KCNQ1OT1: variants seen among roughly 807,000 people sequenced by gnomAD.
The protein encoded by KCNQ1OT1 is KCNQ1 opposite strand/antisense transcript 1.
Position 2,657,458 on chromosome 11 carries a change from G to A in KCNQ1OT1, n.42537C>T, listed in dbSNP as rs1234120971. Reference sequence around the variant, plus strand: ...ATAATTAATATTCTTTTGTGCTATTGTATACAGGTTCTGTTTTCTCTTGTT... The same window carrying A: ...ATAATTAATATTCTTTTGTGCTATTATATACAGGTTCTGTTTTCTCTTGTT... On this transcript the variant is annotated non_coding_transcript_exon_variant, in exon 1 of 1. Coordinates refer to ENST00000597346, the Ensembl canonical transcript of KCNQ1OT1. This position sits in a 1 kb window ranked among gnomAD's most constrained non-coding sequence, Gnocchi z 4.8. The A allele has an allele frequency of 2.5e-6, 1 of 398,448 alleles. No homozygotes were observed. The highest frequency in any genetic ancestry group is 2.1e-5 in the African/African-American group (1 of 48,732). 24.7% of individuals were successfully genotyped at this position (398,448 alleles called of 1,614,324 possible). A position where few individuals can be genotyped will look rare whatever the true frequency, so the allele number is the denominator to read the frequency against.
At position 2,677,303 on chromosome 11, in the gene KCNQ1OT1, A is replaced by C; in HGVS notation, n.22692T>G. 2.5e-6 allele frequency: 1 copy of C among 398,630 alleles called. No individual in the cohort carries two copies. The highest frequency in any genetic ancestry group is 4.4e-6 in the Non-Finnish European group (1 of 226,056). The allele number at this position is 398,630 out of a possible 1,614,324, so 24.7% of individuals were successfully genotyped here. A position where few individuals can be genotyped will look rare whatever the true frequency, so the allele number is the denominator to read the frequency against. Reference sequence around the variant, plus strand: ...TCTTGTCAAAATAGGAGATTTCATCAAGTTAAAGAAAATGATGTCAAATGA... The same window carrying C: ...TCTTGTCAAAATAGGAGATTTCATCCAGTTAAAGAAAATGATGTCAAATGA... On this transcript the variant is annotated non_coding_transcript_exon_variant, in exon 1 of 1. Coordinates refer to ENST00000597346, the Ensembl canonical transcript of KCNQ1OT1. This position sits in a 1 kb window ranked among gnomAD's most constrained non-coding sequence, Gnocchi z 4.5.
chr11:2,662,126 GA>G (rs1248836146), exon 1 of KCNQ1OT1: 4 of 1,613,014 alleles, frequency 2.5e-6, no homozygotes, highest in Non-Finnish European at 3.4e-6. Context: ...GAGGGGACTG[GA>G]GCTCAAGGAG....
Position 2,661,537 on chromosome 11 carries a change from C to T in KCNQ1OT1, n.38458G>A, listed in dbSNP as rs929655938. 9 of 499,508 alleles carry T rather than the reference C, an allele frequency of 1.8e-5. No homozygotes were observed. The highest frequency in any genetic ancestry group is 3.2e-5 in the Non-Finnish European group (9 of 283,964). 30.9% of individuals were successfully genotyped at this position (499,508 alleles called of 1,614,324 possible). ...TCCTATCACCCCATCTTTCCTGACC[C>T]ACTACTCTGTCAATGTATGAGTGTG... On this transcript the variant is annotated non_coding_transcript_exon_variant, in exon 1 of 1. Coordinates refer to ENST00000597346, the Ensembl canonical transcript of KCNQ1OT1. This position sits in a 1 kb window ranked among gnomAD's most constrained non-coding sequence, Gnocchi z 5.9.
chr11:2,672,035 G>A (rs955183294), exon 1 of KCNQ1OT1: 13 of 398,528 alleles, frequency 3.3e-5, no homozygotes, highest in East Asian at 7.1e-5. Flanking sequence ...ACCCTGGCCC[G>A]GTCTGCACTC....
chr11:2,653,940 A>T lies in KCNQ1OT1; in HGVS notation n.46055T>A, dbSNP rs1349489441. ...CCAGAAGCCAGGCCTGGCTGCTGGC[A>T]GGCAAAAACAACAGGTGTCCACTCA... On this transcript the variant is annotated non_coding_transcript_exon_variant, in exon 1 of 1. Transcript: ENST00000597346. The surrounding 1 kb of genome is among the most constrained non-coding windows in gnomAD (Gnocchi z 5.3). 3 of 398,580 alleles carry T rather than the reference A, an allele frequency of 7.5e-6. No homozygotes were observed. The highest frequency in any genetic ancestry group is 1.3e-5 in the Non-Finnish European group (3 of 226,126). 24.7% of individuals were successfully genotyped at this position (398,580 alleles called of 1,614,324 possible). A position where few individuals can be genotyped will look rare whatever the true frequency, so the allele number is the denominator to read the frequency against.
Position 2,654,257 on chromosome 11 carries a change from A to G in KCNQ1OT1, n.45738T>C. On this transcript the variant is annotated non_coding_transcript_exon_variant, in exon 1 of 1. Coordinates refer to ENST00000597346, the Ensembl canonical transcript of KCNQ1OT1. This position sits in a 1 kb window ranked among gnomAD's most constrained non-coding sequence, Gnocchi z 6.4. ...CCCCTGGGGAGGGCTTCTCCTTCAC[A>G]GTGCAGGATCCGCAGGGCTTTGGTG... 2.5e-6 allele frequency: 1 copy of G among 398,548 alleles called. No individual in the cohort carries two copies. The allele number at this position is 398,548 out of a possible 1,614,324, so 24.7% of individuals were successfully genotyped here. A position where few individuals can be genotyped will look rare whatever the true frequency, so the allele number is the denominator to read the frequency against.
rs1274229345 is a variant in KCNQ1OT1, at chr11:2,671,415, G to C, written n.28580C>G. ...GCCTCTCCCAGGGTACTCTGGATGT[G>C]CACCCAGAGATTCTCCCACTTTAGC... On this transcript the variant is annotated non_coding_transcript_exon_variant, in exon 1 of 1. Coordinates refer to ENST00000597346, the Ensembl canonical transcript of KCNQ1OT1. This position sits in a 1 kb window ranked among gnomAD's most constrained non-coding sequence, Gnocchi z 4.7. 2.5e-6 allele frequency: 1 copy of C among 398,488 alleles called. No homozygotes were observed. The highest frequency in any genetic ancestry group is 4.4e-6 in the Non-Finnish European group (1 of 226,078). 24.7% of individuals were successfully genotyped at this position (398,488 alleles called of 1,614,324 possible).
Position 2,654,744 on chromosome 11 carries a change from C to A in KCNQ1OT1, n.45251G>T. The A allele has an allele frequency of 2.5e-6, 1 of 398,670 alleles. No individual in the cohort carries two copies. Among genetic ancestry groups the A allele is most frequent in the South Asian group, 1.3e-4 (1 of 7,846 alleles). The allele number at this position is 398,670 out of a possible 1,614,324, so 24.7% of individuals were successfully genotyped here. A position where few individuals can be genotyped will look rare whatever the true frequency, so the allele number is the denominator to read the frequency against. On this transcript the variant is annotated non_coding_transcript_exon_variant, in exon 1 of 1. Coordinates refer to ENST00000597346, the Ensembl canonical transcript of KCNQ1OT1. This position sits in a 1 kb window ranked among gnomAD's most constrained non-coding sequence, Gnocchi z 6.4. ...TGACCTAATCTGGGCAGGGAGGGGT[C>A]TGGGGCTCGATGAGAAGGCAGAGGA...
exon 1 of KCNQ1OT1, chr11:2,641,680 T>C (rs1589999478): frequency 1.0e-5 from 4 of 398,248 alleles, no homozygotes; most frequent in Non-Finnish European, 1.8e-5. Context: ...GTCTGTGTTT[T>C]TGAGGTCTTA....
Position 2,663,594 on chromosome 11 carries a change from C to T in KCNQ1OT1, n.36401G>A. ...CTTCTCCTGTTGGAGCTCTCGCTCA[C>T]CTTGGTTCTCTTGGTCACGGACCAG... On this transcript the variant is annotated non_coding_transcript_exon_variant, in exon 1 of 1. Coordinates refer to ENST00000597346, the Ensembl canonical transcript of KCNQ1OT1. This position sits in a 1 kb window ranked among gnomAD's most constrained non-coding sequence, Gnocchi z 5.2. 1 of 398,712 alleles carries T rather than the reference C, an allele frequency of 2.5e-6. No homozygotes were observed. The highest frequency in any genetic ancestry group is 3.6e-5 in the East Asian group (1 of 28,076). 24.7% of individuals were successfully genotyped at this position (398,712 alleles called of 1,614,324 possible).
rs913489361 is a variant in KCNQ1OT1 at position 2,617,942 on chromosome 11, T to G, written n.82053A>C. 28 of 398,510 alleles carry G rather than the reference T, an allele frequency of 7.0e-5. No individual in the cohort carries two copies. The highest frequency in any genetic ancestry group is 1.3e-5 in the Non-Finnish European group (3 of 226,050). 24.7% of individuals were successfully genotyped at this position (398,510 alleles called of 1,614,324 possible). ...ATAAATTTTGGATATTATCCTCTTA[T>G]AAGATATATGGTTGGCAAATATTTT... On this transcript the variant is annotated non_coding_transcript_exon_variant, in exon 1 of 1. Transcript: ENST00000597346. The surrounding 1 kb of genome is among the most constrained non-coding windows in gnomAD (Gnocchi z 4.6).
rs763114271 is a variant in KCNQ1OT1 at position 2,620,854 on chromosome 11, T to C, written n.79141A>G. On this transcript the variant is annotated non_coding_transcript_exon_variant, in exon 1 of 1. Coordinates refer to ENST00000597346, the Ensembl canonical transcript of KCNQ1OT1. The surrounding 1 kb of genome is among the most constrained non-coding windows in gnomAD (Gnocchi z 4.5). ...TCTCTGCAGCCTTCCCAGCAACTTT[T>C]ATTTTTTTGACTTTTTAATAATTGC... is the stretch of plus-strand genomic sequence containing the variant. 5.0e-6 allele frequency: 2 copies of C among 398,644 alleles called. No individual in the cohort carries two copies. Among genetic ancestry groups the C allele is most frequent in the Non-Finnish European group, 8.8e-6 (2 of 226,080 alleles). The allele number at this position is 398,644 out of a possible 1,614,324, so 24.7% of individuals were successfully genotyped here. A position where few individuals can be genotyped will look rare whatever the true frequency, so the allele number is the denominator to read the frequency against.
In KCNQ1OT1 at chr11:2,683,127, G is replaced by T. The variant is rs1404810959; in HGVS notation, n.16868C>A. The T allele has an allele frequency of 3.0e-6, 1 of 338,248 alleles. No homozygotes were observed. Among genetic ancestry groups the T allele is most frequent in the East Asian group, 4.3e-5 (1 of 23,026 alleles). 21.0% of individuals were successfully genotyped at this position (338,248 alleles called of 1,614,324 possible). On this transcript the variant is annotated non_coding_transcript_exon_variant, in exon 1 of 1. Transcript: ENST00000597346. This position sits in a 1 kb window ranked among gnomAD's most constrained non-coding sequence, Gnocchi z 4.7. ...CCCAGGATATATCGCACCAACTCAG[G>T]AGGGTGTGGGGATGGGCTAGCATTA...
In KCNQ1OT1 at chr11:2,670,808, T is replaced by C; in HGVS notation, n.29187A>G. On this transcript the variant is annotated non_coding_transcript_exon_variant, in exon 1 of 1. Transcript: ENST00000597346. This position sits in a 1 kb window ranked among gnomAD's most constrained non-coding sequence, Gnocchi z 4.9. The stretch of plus-strand genomic sequence containing the variant: ...AAGAATTCTTCAAGTTCAGCCTCTA[T>C]GTGCATCATAAACCTGGTGCCACCA... 2.5e-6 allele frequency: 1 copy of C among 398,610 alleles called. No individual in the cohort carries two copies. Among genetic ancestry groups the C allele is most frequent in the Non-Finnish European group, 4.4e-6 (1 of 226,070 alleles). The allele number at this position is 398,610 out of a possible 1,614,324, so 24.7% of individuals were successfully genotyped here.
chr11:2,692,308 C>T, exon 1 of KCNQ1OT1: 1 of 399,050 alleles, frequency 2.5e-6, no homozygotes, highest in Non-Finnish European at 4.4e-6. Flanking sequence ...CCCTCCATCC[C>T]TATTGCCACT....
chr11:2,659,704 A>AT lies in KCNQ1OT1; in HGVS notation n.40290dup, dbSNP rs1387957197. 1 of 398,538 alleles carries AT rather than the reference A, an allele frequency of 2.5e-6. No homozygotes were observed. The highest frequency in any genetic ancestry group is 3.6e-5 in the East Asian group (1 of 28,042). 24.7% of individuals were successfully genotyped at this position (398,538 alleles called of 1,614,324 possible). On this transcript the variant is annotated non_coding_transcript_exon_variant, in exon 1 of 1. Transcript: ENST00000597346. The surrounding 1 kb of genome is among the most constrained non-coding windows in gnomAD (Gnocchi z 4.3). ...TCCTAAAGTCACTGTGCCATTTTGCATTCCCACCAGTAACATATGAGAGTT... is the reference window on the plus strand; with the variant it reads ...TCCTAAAGTCACTGTGCCATTTTGCATTTCCCACCAGTAACATATGAGAGTT...
In KCNQ1OT1 at chr11:2,683,473, A is replaced by G. The variant is rs1850431995; in HGVS notation, n.16522T>C. On this transcript the variant is annotated non_coding_transcript_exon_variant, in exon 1 of 1. Transcript: ENST00000597346. The surrounding 1 kb of genome is among the most constrained non-coding windows in gnomAD (Gnocchi z 4.7). ...AATTACATATGATTCCATCAATGAC[A>G]GTTTTCCTATTAAAACATAACTTGT... is the stretch of plus-strand genomic sequence containing the variant. 1 of 398,564 alleles carries G rather than the reference A, an allele frequency of 2.5e-6. No homozygotes were observed. The highest frequency in any genetic ancestry group is 4.4e-6 in the Non-Finnish European group (1 of 226,072). The allele number at this position is 398,564 out of a possible 1,614,324, so 24.7% of individuals were successfully genotyped here.
exon 1 of KCNQ1OT1, chr11:2,681,907 T>C (rs1253859991): frequency 1.0e-5 from 4 of 398,498 alleles, no homozygotes; most frequent in Non-Finnish European, 8.8e-6. Flanking sequence ...CCGGCCATAA[T>C]GAACACACGT....
chr11:2,635,090 CA>C (rs1849436853), exon 1 of KCNQ1OT1: 6 of 152,030 alleles, frequency 3.9e-5, no homozygotes, highest in Admixed American at 3.3e-4. Context: ...AGCCTTTTAT[CA>C]GATGAGTAGA....
Sources: allele counts gnomAD v4.1 joint callset, GRCh38; gene constraint gnomAD v4.1.1; non-coding constraint Gnocchi (gnomAD v3.1); transcripts MANE v1.5; gene names NCBI Gene and HGNC (gene_info 2026-07-23, HGNC 2026-07-21).